MET: variants seen among roughly 807,000 people sequenced by gnomAD.
The protein encoded by MET is MET proto-oncogene, receptor tyrosine kinase, also known as hepatocyte growth factor receptor.
Under a neutral mutation model 133.1 loss-of-function variants are expected in MET, and 48 were observed. That is an observed-to-expected ratio of 0.36 (90% CI 0.29 to 0.46). The LOEUF is 0.46. MET is among the 20% of genes least tolerant of loss of function. The probability of loss-of-function intolerance (pLI) is 1.00; values close to 1 mark genes in which losing one functional copy is unlikely to be tolerated. For missense variants in MET, 1,442 were observed against 1,695.9 expected, an observed-to-expected ratio of 0.85 and a Z score of 2.63; for synonymous variants, 628 against 616.5, an observed-to-expected ratio of 1.02 and a Z score of -0.28.
intron 2 of MET, among the ~76,000 whole-genome samples, chr7:116,726,166 T>TATATATATATATAC (rs1562900093): frequency 8.5e-6 from 1 of 117,926 alleles, no homozygotes; most frequent in Non-Finnish European, 1.8e-5. Flanking sequence ...TATATATATA[T>TATATATATATATAC]ATATATATAT....
intron 5 of MET, among the ~76,000 whole-genome samples, chr7:116,742,131 A>T (rs1793481698): frequency 1.3e-5 from 2 of 152,220 alleles, no homozygotes; most frequent in Admixed American, 1.3e-4. Context: ...CACCTGGTTC[A>T]TGCCCAAGTA....
intron 3 of MET, among the ~76,000 whole-genome samples, chr7:116,735,232 C>T (rs966328932): frequency 2.0e-5 from 3 of 152,184 alleles, no homozygotes; most frequent in Non-Finnish European, 4.4e-5. Flanking sequence ...TTTCGCCTCT[C>T]CAAGTTCCTA....
chr7:116,731,615 C>T (rs1562903360), intron 2 of MET, 53 bp from the exon 3 acceptor site: 1 of 1,590,842 alleles, frequency 6.3e-7, no homozygotes, highest in Non-Finnish European at 8.6e-7. Flanking sequence ...GGTTTCTTAC[C>T]AGCTTGTTCA....
In MET at chr7:116,769,636, TC is replaced by T. The variant is rs587780736; in HGVS notation, c.2584-7del. Reference sequence around the variant, plus strand: ...TGTTAACAACCTTTTTTTTTTTTTTTCCTTTCAGGGAAATGATATTGACCCT... The same window carrying T: ...TGTTAACAACCTTTTTTTTTTTTTTTCTTTCAGGGAAATGATATTGACCCT... On this transcript the variant is annotated splice_polypyrimidine_tract_variant and splice_region_variant and intron_variant, in intron 11 of 20. Transcript: ENST00000397752. 1,723 of 1,600,862 alleles carry T rather than the reference TC, an allele frequency of 1.1e-3. 4 individuals are homozygous for T. The highest frequency in any genetic ancestry group is 6.7e-3 in the Middle Eastern group (40 of 6,002).
At chr7:116,792,074 T>G (rs1795518339) in intron 19 of MET, among the ~76,000 whole-genome samples, 1 of 138,794 alleles carries the variant, frequency 7.2e-6, no homozygotes, top group Admixed American at 7.7e-5. Context: ...TTGATAAAAC[T>G]TTATCAATTT....
chr7:116,770,429 A>G (rs937893779), intron 12 of MET, among the ~76,000 whole-genome samples: 1 of 152,180 alleles, frequency 6.6e-6, no homozygotes, highest in African/African-American at 2.4e-5. Context: ...TACATAATGT[A>G]ATGTTTGCCA....
At chr7:116,764,129 C>A (rs1365257046) in intron 11 of MET, among the ~76,000 whole-genome samples, 97 of 152,252 alleles carry the variant, frequency 6.4e-4, no homozygotes, top group African/African-American at 2.2e-3. Context: ...TGGGTCATCT[C>A]CATCTAAGTA....
intron 5 of MET, among the ~76,000 whole-genome samples, chr7:116,755,012 G>GAAAGAAAGAAA (rs941568588): frequency 6.7e-6 from 1 of 150,352 alleles, no homozygotes; most frequent in East Asian, 2.0e-4. Context: ...AAGAAAGAAA[G>GAAAGAAAGAAA]AAAGAAAGAA....
intron 10 of MET, among the ~76,000 whole-genome samples, chr7:116,761,552 T>A (rs1794397984): frequency 6.6e-6 from 1 of 152,112 alleles, no homozygotes; most frequent in South Asian, 2.1e-4. Flanking sequence ...TCCAATAAAC[T>A]TGAATCCTTT....
chr7:116,757,870 G>T, intron 8 of MET, 96 bp downstream of exon 8: 1 of 1,352,818 alleles, frequency 7.4e-7, no homozygotes, highest in Non-Finnish European at 1.0e-6. Flanking sequence ...GTGTGGAGAA[G>T]AAAAATCAAG....
At chr7:116,687,875 G>T (rs1584863620) in intron 1 of MET, among the ~76,000 whole-genome samples, 2 of 152,174 alleles carry the variant, frequency 1.3e-5, no homozygotes, top group East Asian at 3.8e-4. Context: ...TTGTCTCTCT[G>T]TCCCTGGGTG....
rs192771581 is a variant in MET at position 116,775,144 on chromosome 7, C to T, written c.3259+33C>T. ...TTTCCACTCAGCTTTTTGTTAAATA[C>T]GATTTTCCAGTAAGCATTTTATCTT... On this transcript the variant is annotated intron_variant, in intron 15 of 20. Transcript: ENST00000397752. The T allele has an allele frequency of 2.2e-4, 348 of 1,602,044 alleles. 1 individual carries two copies. In the African/African-American group the frequency reaches 4.1e-3, roughly 19 times the overall value.
At chr7:116,723,824 G>C (rs1167632895) in intron 2 of MET, among the ~76,000 whole-genome samples, 1 of 152,214 alleles carries the variant, frequency 6.6e-6, no homozygotes, top group African/African-American at 2.4e-5. Flanking sequence ...CCCACTTGAG[G>C]AGGCAGTCTG....
chr7:116,763,293 T>C (rs1794476570), intron 11 of MET, 25 bp downstream of exon 11: 1 of 1,596,204 alleles, frequency 6.3e-7, no homozygotes, highest in African/African-American at 1.3e-5. Context: ...AAACACTGTC[T>C]TAAATCATCA....
chr7:116,758,748 T>C (rs1380686960), intron 9 of MET, 128 bp downstream of exon 9: 1 of 903,576 alleles, frequency 1.1e-6, no homozygotes, highest in Non-Finnish European at 1.7e-6. Context: ...TGAAGGCTTC[T>C]TTCCAATTCA....
At chr7:116,707,053 C>G (rs1179991463) in intron 2 of MET, among the ~76,000 whole-genome samples, 1 of 151,978 alleles carries the variant, frequency 6.6e-6, no homozygotes, top group Non-Finnish European at 1.5e-5. Context: ...ATTCTAAAAG[C>G]CTCACTCTGC....
At chr7:116,744,206 G>A (rs867709212) in intron 5 of MET, among the ~76,000 whole-genome samples, 1 of 152,110 alleles carries the variant, frequency 6.6e-6, no homozygotes, top group Admixed American at 6.5e-5. Context: ...ATTGACAGCA[G>A]CAGGCCTCAG....
intron 19 of MET, among the ~76,000 whole-genome samples, chr7:116,785,409 G>A (rs2117074423): frequency 6.6e-6 from 1 of 152,242 alleles, no homozygotes; most frequent in East Asian, 1.9e-4. Context: ...GGACCAAGTG[G>A]GGGGAGGGGG....
At chr7:116,727,379 T>TA (rs1489472611) in intron 2 of MET, among the ~76,000 whole-genome samples, 3 of 152,216 alleles carry the variant, frequency 2.0e-5, no homozygotes, top group African/African-American at 4.8e-5. Flanking sequence ...AGGAGTGTGA[T>TA]AAAACCTCAC....
Sources: gnomAD v4.1 joint callset for allele counts (sites outside exome capture counted in the v4.1 genomes callset) on GRCh38, gnomAD v4.1.1 for gene constraint, MANE v1.5 for transcripts, NCBI Gene and HGNC (gene_info 2026-07-23, HGNC 2026-07-21) for gene names.